ADRA1B: variants seen among roughly 807,000 people sequenced by gnomAD.
The protein encoded by ADRA1B is alpha-1B adrenergic receptor.
In ADRA1B, 17 loss-of-function variants were observed where a neutral mutation model predicts 17.9. That is an observed-to-expected ratio of 0.95 (90% CI 0.65 to 1.42). ADRA1B has a LOEUF of 1.42. Among genes scored for constraint, ADRA1B ranks in the 40% most tolerant of loss-of-function variants. The pLI, the probability that ADRA1B is intolerant of heterozygous loss-of-function variation, is 0.00. For missense variants in ADRA1B, 681 were observed against 722.1 expected, an observed-to-expected ratio of 0.94 and a Z score of 0.65; for synonymous variants, 366 against 327.6, an observed-to-expected ratio of 1.12 and a Z score of -1.27.
At chr5:159,930,310 A>G (rs1754765478) in intron 1 of ADRA1B, among the ~76,000 whole-genome samples, 2 of 152,244 alleles carry the variant, frequency 1.3e-5, no homozygotes, top group African/African-American at 4.8e-5. Context: ...AATTTAAACT[A>G]CAGTAAAATG....
intron 1 of ADRA1B, among the ~76,000 whole-genome samples, chr5:159,889,851 T>C (rs1241997943): frequency 6.6e-6 from 1 of 152,232 alleles, no homozygotes; most frequent in Non-Finnish European, 1.5e-5. Flanking sequence ...ACCAAGAACA[T>C]GGCTACTATA....
intron 1 of ADRA1B, among the ~76,000 whole-genome samples, chr5:159,947,166 C>A (rs2113249782): frequency 6.6e-6 from 1 of 152,200 alleles, no homozygotes; most frequent in South Asian, 2.1e-4. Flanking sequence ...CATGGCGAAA[C>A]CCTATCTCTA....
chr5:159,980,241 C>A, the ADRA1B span, among the ~76,000 whole-genome samples: 2 of 152,062 alleles, frequency 1.3e-5, no homozygotes, highest in Non-Finnish European at 2.9e-5. Flanking sequence ...CCAAGAGTTT[C>A]CATGTCCATA....
chr5:159,944,709 G>A (rs1755221793), intron 1 of ADRA1B, among the ~76,000 whole-genome samples: 2 of 152,016 alleles, frequency 1.3e-5, no homozygotes, highest in Admixed American at 6.5e-5. Flanking sequence ...CCCTGGGGGA[G>A]ATGGGGGGTT....
chr5:159,975,726 A>G (rs981143743), downstream of ADRA1B, among the ~76,000 whole-genome samples: 1 of 152,180 alleles, frequency 6.6e-6, no homozygotes, highest in Admixed American at 6.5e-5. Flanking sequence ...GGCCCTAGCC[A>G]GAGTCTACAT....
At chr5:159,947,417 G>A (rs987095143) in intron 1 of ADRA1B, among the ~76,000 whole-genome samples, 1 of 152,064 alleles carries the variant, frequency 6.6e-6, no homozygotes, top group Admixed American at 6.5e-5. Context: ...GGGCTCATAA[G>A]TGGCAGAGCT....
chr5:159,895,207 C>T (rs574141804), intron 1 of ADRA1B, among the ~76,000 whole-genome samples: 41 of 152,358 alleles, frequency 2.7e-4, no homozygotes, highest in African/African-American at 9.6e-4. Context: ...CTTCCTCTCA[C>T]AAGACACTAC....
rs190619087 is a variant in ADRA1B at position 159,929,739 on chromosome 5, T to C, written c.949+11885T>C. On this transcript the variant is annotated intron_variant, in intron 1 of 1. Transcript: ENST00000306675. ...TTTTTAATGATGCATAGATTCTTAT[T>C]TGAATCAGAAAAAAAAAATGAAAAA... Among the ~76,000 whole-genome samples the C allele has an allele frequency of 3.1e-3, 470 of 152,042 alleles. 3 individuals carry two copies. The highest frequency in any genetic ancestry group is 0.011 in the African/African-American group (459 of 41,544).
chr5:159,977,173 AC>A (rs1407664599), downstream of ADRA1B, among the ~76,000 whole-genome samples: 15 of 152,160 alleles, frequency 9.9e-5, no homozygotes, highest in African/African-American at 3.6e-4. Context: ...TATTATTCCC[AC>A]CCCGCTAAAT....
intron 1 of ADRA1B, among the ~76,000 whole-genome samples, chr5:159,966,615 G>A (rs550011859): frequency 2.6e-5 from 4 of 152,350 alleles, no homozygotes; most frequent in African/African-American, 7.2e-5. Context: ...AACAAGTGAG[G>A]ATTAAAAAGG....
intron 1 of ADRA1B, among the ~76,000 whole-genome samples, chr5:159,945,806 G>A (rs1470085714): frequency 6.6e-6 from 1 of 150,566 alleles, no homozygotes; most frequent in Non-Finnish European, 1.5e-5. Context: ...GGAGTGCAGT[G>A]GCGCGATCTC....
chr5:159,870,458 A>G (rs987787312), intron 1 of ADRA1B: 1 of 152,212 alleles, frequency 6.6e-6, no homozygotes, highest in Non-Finnish European at 1.5e-5. Flanking sequence ...AAATCCATCC[A>G]TCCATCCAAC....
At chr5:159,952,256 A>G (rs1292427226) in intron 1 of ADRA1B, among the ~76,000 whole-genome samples, 1 of 152,236 alleles carries the variant, frequency 6.6e-6, no homozygotes, top group Non-Finnish European at 1.5e-5. Context: ...CAACGCATAC[A>G]TATCTACAAT....
intron 1 of ADRA1B, among the ~76,000 whole-genome samples, chr5:159,900,927 G>A (rs1223607417): frequency 6.6e-6 from 1 of 152,316 alleles, no homozygotes; most frequent in South Asian, 2.1e-4. Flanking sequence ...GTGCAAACTG[G>A]TTTGAGAAGA....
rs1445141952 is a variant in ADRA1B, at chr5:159,972,471, C to T, written c.1542C>T (p.Pro514=). Reference sequence around the variant, plus strand: ...AGCCGGGCTTCAAAAGCAACATGCCCCTGGCGCCCGGGCAGTTTTAGGGCC... The same window carrying T: ...AGCCGGGCTTCAAAAGCAACATGCCTCTGGCGCCCGGGCAGTTTTAGGGCC... ...NGQPGFKSNM[P]LAPGQF is the part of the protein sequence containing the mutation. The change falls in exon 2 of 2, where the codon CCC becomes CCT. Residue 514 remains proline, a synonymous_variant. Coordinates refer to ENST00000306675, the MANE Select transcript of ADRA1B (RefSeq NM_000679.4). The T allele has an allele frequency of 2.8e-6, 4 of 1,421,886 alleles. No individual in the cohort carries two copies. Among genetic ancestry groups the T allele is most frequent in the East Asian group, 3.1e-5 (1 of 31,762 alleles). 88.1% of individuals were successfully genotyped at this position (1,421,886 alleles called of 1,614,324 possible).
At chr5:159,874,533 A>T (rs1581016048) in intron 1 of ADRA1B, among the ~76,000 whole-genome samples, 1 of 150,648 alleles carries the variant, frequency 6.6e-6, no homozygotes, top group East Asian at 1.9e-4. Flanking sequence ...GTGGTGACTC[A>T]TTCCCTCTTG....
chr5:159,887,270 A>T (rs1378071634), intron 1 of ADRA1B, among the ~76,000 whole-genome samples: 1 of 152,212 alleles, frequency 6.6e-6, no homozygotes, highest in African/African-American at 2.4e-5. Flanking sequence ...TTAATGGCAA[A>T]CATCCAGCTC....
At chr5:159,898,423 T>C (rs61447212) in intron 1 of ADRA1B, among the ~76,000 whole-genome samples, 2,693 of 152,280 alleles carry the variant, frequency 0.018, 89 homozygotes, top group African/African-American at 0.061. Flanking sequence ...GTGTGTTTGA[T>C]GACTGAAACT....
intron 1 of ADRA1B, among the ~76,000 whole-genome samples, chr5:159,893,608 C>T (rs955411926): frequency 6.6e-6 from 1 of 152,172 alleles, no homozygotes; most frequent in Admixed American, 6.5e-5. Flanking sequence ...AAGAAAGATG[C>T]AATTCTTTCT....
Sources: allele counts gnomAD v4.1 joint callset (sites outside exome capture counted in the v4.1 genomes callset), GRCh38; gene constraint gnomAD v4.1.1; transcripts MANE v1.5; gene names NCBI Gene and HGNC (gene_info 2026-07-23, HGNC 2026-07-21).